Variants in DOCK8 observed in about 807,000 individuals in gnomAD.
DOCK8 encodes dedicator of cytokinesis 8, also known as dedicator of cytokinesis protein 8.
In DOCK8, 141 loss-of-function variants were observed where a neutral mutation model predicts 245.6. The observed-to-expected ratio is 0.57, with a 90% CI of 0.50 to 0.66. The LOEUF is 0.66. Among genes scored for constraint, DOCK8 ranks in the 30% least tolerant of loss-of-function variants. The pLI, the probability that DOCK8 is intolerant of heterozygous loss-of-function variation, is 0.00. For missense variants in DOCK8, 2,965 were observed against 2,603.4 expected, an observed-to-expected ratio of 1.14 and a Z score of -3.02; for synonymous variants, 1,168 against 970.2, an observed-to-expected ratio of 1.20 and a Z score of -3.79.
intron 16 of DOCK8, 50 bp from the exon 17 acceptor site, chr9:371,378 G>A (rs768634297): frequency 3.1e-6 from 5 of 1,610,908 alleles, no homozygotes; most frequent in Non-Finnish European, 4.2e-6. Context: ...AATCAGAGAA[G>A]TCATCATTCT....
chr9:303,020 G>A (rs1005056194), intron 4 of DOCK8, among the ~76,000 whole-genome samples: 3 of 151,974 alleles, frequency 2.0e-5, no homozygotes, highest in African/African-American at 7.2e-5. Flanking sequence ...AATTAACTGG[G>A]TATGGTGGCG....
chr9:438,526 C>T (rs1587048987), intron 39 of DOCK8, among the ~76,000 whole-genome samples: 1 of 152,224 alleles, frequency 6.6e-6, no homozygotes, highest in Admixed American at 6.5e-5. Context: ...AAGAGGCACT[C>T]ACCCTCAGGG....
chr9:314,086 C>G (rs1362162791), intron 6 of DOCK8, among the ~76,000 whole-genome samples: 1 of 152,220 alleles, frequency 6.6e-6, no homozygotes, highest in African/African-American at 2.4e-5. Flanking sequence ...CCGCTAACTA[C>G]AAAGTTCGTG....
Position 464,648 on chromosome 9 carries a change from T to A in DOCK8, c.*429T>A, listed in dbSNP as rs2057915607. The A allele has an allele frequency of 8.9e-6, 2 of 225,220 alleles. No homozygotes were observed. The highest frequency in any genetic ancestry group is 1.8e-5 in the Non-Finnish European group (2 of 111,094). The allele number at this position is 225,220 out of a possible 1,614,324, so 14.0% of individuals were successfully genotyped here. The stretch of plus-strand genomic sequence containing the variant: ...AGTCGATTCAAACTGAATTTCACTC[T>A]TTATAGGAAGGCAGGGCAAACTTGT... On this transcript the variant is annotated 3_prime_UTR_variant, in exon 48 of 48. Coordinates refer to ENST00000432829, the MANE Select transcript of DOCK8 (RefSeq NM_203447.4).
intron 14 of DOCK8, 142 bp downstream of exon 14, chr9:340,463 ATAC>A: frequency 9.2e-7 from 1 of 1,090,728 alleles, no homozygotes; most frequent in Non-Finnish European, 1.3e-6. Flanking sequence ...TCTACAACAT[ATAC>A]AAAATTTAGC....
chr9:406,880 T>C (rs1044239688), intron 27 of DOCK8, 50 bp from the exon 28 acceptor site: 4 of 1,613,628 alleles, frequency 2.5e-6, no homozygotes, highest in East Asian at 4.5e-5. Flanking sequence ...CCATCGCTAT[T>C]TTCATTCCAG....
At chr9:385,243 C>T (rs1238748243) in intron 22 of DOCK8, among the ~76,000 whole-genome samples, 2 of 152,304 alleles carry the variant, frequency 1.3e-5, no homozygotes, top group Non-Finnish European at 2.9e-5. Context: ...AGAAATAGGA[C>T]ATGAGTGCAA....
chr9:389,482 C>G (rs775882743), intron 23 of DOCK8, among the ~76,000 whole-genome samples: 5 of 152,140 alleles, frequency 3.3e-5, no homozygotes, highest in East Asian at 3.8e-4. Flanking sequence ...TAAACCCCAC[C>G]GATCCTGCTT....
At chr9:231,825 A>AC (rs2047124835) in intron 1 of DOCK8, among the ~76,000 whole-genome samples, 2 of 152,218 alleles carry the variant, frequency 1.3e-5, no homozygotes, top group East Asian at 3.9e-4. Context: ...TTCAAGATAT[A>AC]AATCATGTCA....
intron 43 of DOCK8, 22 bp from the exon 44 acceptor site, chr9:446,348 C>T: frequency 6.3e-7 from 1 of 1,599,686 alleles, no homozygotes; most frequent in African/African-American, 1.3e-5. Flanking sequence ...CATCTTCTCC[C>T]TCCGTGCCTT....
rs2057912244 is a variant in DOCK8, at chr9:464,532, T to C, written c.*313T>C. Reference sequence around the variant, plus strand: ...CTTCTCCTGCTGACTGGCCAATCACTGCCCATCTGAGAGATGATTTCCTCT... The same window carrying C: ...CTTCTCCTGCTGACTGGCCAATCACCGCCCATCTGAGAGATGATTTCCTCT... On this transcript the variant is annotated 3_prime_UTR_variant, in exon 48 of 48. Transcript: ENST00000432829. 1 of 451,614 alleles carries C rather than the reference T, an allele frequency of 2.2e-6. No individual in the cohort carries two copies. The highest frequency in any genetic ancestry group is 3.5e-5 in the Admixed American group (1 of 28,360). 28.0% of individuals were successfully genotyped at this position (451,614 alleles called of 1,614,324 possible). A position where few individuals can be genotyped will look rare whatever the true frequency, so the allele number is the denominator to read the frequency against.
intron 45 of DOCK8, 101 bp downstream of exon 45, chr9:450,028 C>A: frequency 7.7e-7 from 1 of 1,295,344 alleles, no homozygotes; most frequent in Non-Finnish European, 1.1e-6. Context: ...GACTTTGATC[C>A]ATAGACAAAC....
At chr9:307,534 T>C (rs986928218) in intron 5 of DOCK8, among the ~76,000 whole-genome samples, 2 of 151,768 alleles carry the variant, frequency 1.3e-5, no homozygotes, top group African/African-American at 4.8e-5. Context: ...AATTGTGTAT[T>C]TTTAGTAGAG....
At chr9:340,585 C>T (rs1036936409) in intron 14 of DOCK8, 3 of 387,188 alleles carry the variant, frequency 7.7e-6, no homozygotes, top group African/African-American at 6.2e-5. Context: ...TGCACTACTG[C>T]ACTCCAGCCT....
intron 46 of DOCK8, among the ~76,000 whole-genome samples, chr9:458,654 AC>A: frequency 6.6e-6 from 1 of 152,228 alleles, no homozygotes; most frequent in Non-Finnish European, 1.5e-5. Flanking sequence ...TACAAAAAAT[AC>A]AAAAAAAATT....
chr9:315,294 C>G (rs7040640), intron 6 of DOCK8, among the ~76,000 whole-genome samples: 1 of 152,018 alleles, frequency 6.6e-6, no homozygotes, highest in Non-Finnish European at 1.5e-5. Flanking sequence ...AAGAGGTATC[C>G]ATTAATGTTT....
chr9:464,096 C>A, intron 47 of DOCK8, 63 bp from the exon 48 acceptor site: 1 of 1,407,142 alleles, frequency 7.1e-7, no homozygotes, highest in Non-Finnish European at 1.0e-6. Flanking sequence ...AAAAGGCTAA[C>A]TGATCTTTTC....
chr9:293,121 C>T (rs1450860807), intron 4 of DOCK8, among the ~76,000 whole-genome samples: 1 of 152,196 alleles, frequency 6.6e-6, no homozygotes, highest in Non-Finnish European at 1.5e-5. Flanking sequence ...TTAACGGTCA[C>T]CTAGTGGACA....
chr9:399,329 T>G, intron 26 of DOCK8, 70 bp downstream of exon 26: 1 of 1,121,928 alleles, frequency 8.9e-7, no homozygotes, highest in South Asian at 1.2e-5. Flanking sequence ...TGATGTTCGT[T>G]GCCATGGCAC....
Sources: allele counts gnomAD v4.1 joint callset (sites outside exome capture counted in the v4.1 genomes callset), GRCh38; gene constraint gnomAD v4.1.1; transcripts MANE v1.5; gene names NCBI Gene and HGNC (gene_info 2026-07-23, HGNC 2026-07-21).